GALNTL6: variants seen among roughly 807,000 people sequenced by gnomAD.
GALNTL6 encodes the protein polypeptide N-acetylgalactosaminyltransferase-like 6.
GALNTL6 carries 46 observed loss-of-function variants against 73.7 expected under a neutral mutation model. The observed-to-expected ratio is 0.62, with a 90% confidence interval of 0.49 to 0.80. The LOEUF (loss-of-function observed/expected upper bound fraction) is 0.80. GALNTL6 is among the 30% of genes least tolerant of loss of function. The pLI, the probability that GALNTL6 is intolerant of heterozygous loss-of-function variation, is 0.00. For synonymous variants in GALNTL6, 259 were observed against 263.7 expected (o/e 0.98, Z 0.17); for missense variants, 604 against 755.0 (o/e 0.80, Z 2.34).
intron 5 of GALNTL6, among the ~76,000 whole-genome samples, chr4:172,359,193 A>G (rs956066530): frequency 6.6e-6 from 1 of 152,220 alleles, no homozygotes; most frequent in Non-Finnish European, 1.5e-5. Flanking sequence ...ATGGAATACA[A>G]TGCATCCATA....
intron 2 of GALNTL6, among the ~76,000 whole-genome samples, chr4:171,975,984 G>A (rs1213386676): frequency 6.6e-6 from 1 of 151,986 alleles, no homozygotes; most frequent in African/African-American, 2.4e-5. Flanking sequence ...GTGCATTGGT[G>A]CAACCTCAGC....
At chr4:172,126,561 C>T (rs1475201994) in intron 2 of GALNTL6, among the ~76,000 whole-genome samples, 2 of 152,130 alleles carry the variant, frequency 1.3e-5, no homozygotes, top group African/African-American at 2.4e-5. Context: ...GGAGCGGCTC[C>T]CCAGTGTGGG....
Position 171,966,904 on chromosome 4 carries a change from T to TA in GALNTL6, c.138+152192dup, listed in dbSNP as rs549950472. ...TTGTTGTTGTACTTTAATTAATTAT[T>TA]AAAAAATAAGCAATCTTGAGAAATT... is the stretch of plus-strand genomic sequence containing the variant. On this transcript the variant is annotated intron_variant, in intron 2 of 12. Coordinates refer to ENST00000506823, the MANE Select transcript of GALNTL6 (RefSeq NM_001034845.3). Among the ~76,000 whole-genome samples, 977 of 152,242 alleles carry TA rather than the reference T, an allele frequency of 6.4e-3. 13 individuals are homozygous for TA. The highest frequency in any genetic ancestry group is 0.021 in the African/African-American group (854 of 41,544).
intron 10 of GALNTL6, among the ~76,000 whole-genome samples, chr4:172,964,435 A>G (rs1485309868): frequency 6.6e-6 from 1 of 152,224 alleles, no homozygotes; most frequent in East Asian, 1.9e-4. Flanking sequence ...CAATGTGCCA[A>G]TCTGGGTACA....
At chr4:172,363,510 C>T (rs574491016) in intron 5 of GALNTL6, among the ~76,000 whole-genome samples, 1 of 152,298 alleles carries the variant, frequency 6.6e-6, no homozygotes, top group Non-Finnish European at 1.5e-5. Flanking sequence ...AATGCTTACA[C>T]AGTCACTTGG....
chr4:172,006,841 A>G (rs767716072), intron 2 of GALNTL6, among the ~76,000 whole-genome samples: 17 of 152,070 alleles, frequency 1.1e-4, no homozygotes, highest in Non-Finnish European at 1.9e-4. Context: ...AGAAGGTTAA[A>G]ATAATTTGGA....
chr4:172,250,181 G>A (rs1298108703), intron 3 of GALNTL6, among the ~76,000 whole-genome samples: 1 of 152,136 alleles, frequency 6.6e-6, no homozygotes, highest in Non-Finnish European at 1.5e-5. Context: ...CCTTACATCA[G>A]TGTGACTCCA....
chr4:171,852,568 A>T (rs1288342427), intron 2 of GALNTL6, among the ~76,000 whole-genome samples: 1 of 151,610 alleles, frequency 6.6e-6, no homozygotes, highest in African/African-American at 2.4e-5. Flanking sequence ...ATATTTATTT[A>T]TATAATGCAC....
intron 5 of GALNTL6, among the ~76,000 whole-genome samples, chr4:172,566,533 A>T (rs1051897875): frequency 6.6e-6 from 1 of 152,320 alleles, no homozygotes; most frequent in East Asian, 1.9e-4. Flanking sequence ...TGTAGAATAC[A>T]GCAAAAGCAA....
At position 172,195,060 on chromosome 4, in the gene GALNTL6, G is replaced by A. The variant is rs538698974; in HGVS notation, c.139-34596G>A. Among the ~76,000 whole-genome samples, 8 of 152,110 alleles carry A rather than the reference G, an allele frequency of 5.3e-5. No individual in the cohort carries two copies. In the East Asian group the frequency reaches 7.7e-4, roughly 15 times the overall value. On this transcript the variant is annotated intron_variant, in intron 2 of 12. Transcript: ENST00000506823. Reference sequence around the variant, plus strand: ...GCTGTAGTTAAGAGACCCATCTCACGTGCCAAGACATACATAAGCTCAAAA... The same window carrying A: ...GCTGTAGTTAAGAGACCCATCTCACATGCCAAGACATACATAAGCTCAAAA...
At chr4:172,658,347 T>C (rs1448413285) in intron 5 of GALNTL6, among the ~76,000 whole-genome samples, 1 of 126,098 alleles carries the variant, frequency 7.9e-6, no homozygotes, top group Non-Finnish European at 1.7e-5. Context: ...GACGCCTGTA[T>C]TCCCAGCTAC....
At chr4:172,352,662 T>G (rs916535777) in intron 5 of GALNTL6, among the ~76,000 whole-genome samples, 2 of 152,076 alleles carry the variant, frequency 1.3e-5, no homozygotes, top group African/African-American at 4.8e-5. Context: ...TTTGCATGCT[T>G]AGATGAATGC....
At chr4:172,431,379 A>G (rs1019136038) in intron 5 of GALNTL6, among the ~76,000 whole-genome samples, 1 of 152,158 alleles carries the variant, frequency 6.6e-6, no homozygotes, top group African/African-American at 2.4e-5. Context: ...TTATAATGCA[A>G]TTGGTTTCTG....
intron 2 of GALNTL6, among the ~76,000 whole-genome samples, chr4:171,878,589 T>C (rs1362856082): frequency 6.6e-6 from 1 of 152,220 alleles, no homozygotes; most frequent in Non-Finnish European, 1.5e-5. Flanking sequence ...TATTATTTTT[T>C]TCATATCGCA....
intron 8 of GALNTL6, among the ~76,000 whole-genome samples, chr4:172,900,307 CCAA>C (rs1251919747): frequency 3.9e-5 from 6 of 151,916 alleles, no homozygotes; most frequent in South Asian, 2.1e-4. Context: ...AATAAATTAC[CCAA>C]CGTCACTTAG....
chr4:172,225,392 G>A (rs1748141132), intron 2 of GALNTL6, among the ~76,000 whole-genome samples: 1 of 150,540 alleles, frequency 6.6e-6, no homozygotes, highest in East Asian at 1.9e-4. Flanking sequence ...GTAGATTGTG[G>A]TACATTATAT....
intron 7 of GALNTL6, among the ~76,000 whole-genome samples, chr4:172,831,436 G>A (rs1742636047): frequency 6.6e-6 from 1 of 152,154 alleles, no homozygotes; most frequent in Non-Finnish European, 1.5e-5. Context: ...AAGGGACTAG[G>A]TCAGAAAAAA....
At chr4:172,828,500 CT>C (rs1742406635) in intron 7 of GALNTL6, among the ~76,000 whole-genome samples, 1 of 152,024 alleles carries the variant, frequency 6.6e-6, no homozygotes, top group Admixed American at 6.6e-5. Flanking sequence ...ACACAGGATC[CT>C]ATGAGCCTAC....
chr4:172,598,487 A>G (rs1157879479), intron 5 of GALNTL6, among the ~76,000 whole-genome samples: 5 of 152,154 alleles, frequency 3.3e-5, no homozygotes, highest in Non-Finnish European at 7.4e-5. Context: ...AATATCCAGA[A>G]GACCAGTTGC....
Sources: allele counts gnomAD v4.1 joint callset (sites outside exome capture counted in the v4.1 genomes callset), GRCh38; gene constraint gnomAD v4.1.1; transcripts MANE v1.5; gene names NCBI Gene and HGNC (gene_info 2026-07-23, HGNC 2026-07-21).